CEP170: variants seen among roughly 807,000 people sequenced by gnomAD.
The protein encoded by CEP170 is centrosomal protein 170.
In CEP170, 21 loss-of-function variants were observed where a neutral mutation model predicts 151.9. The ratio of observed to expected loss-of-function variants is 0.14; its 90% confidence interval spans 0.10 to 0.20. CEP170 has a LOEUF of 0.20. Among genes scored for constraint, CEP170 ranks in the 10% least tolerant of loss-of-function variants. CEP170 has a pLI of 1.00. For synonymous variants in CEP170, 356 were observed against 648.8 expected (o/e 0.55, Z 6.86); for missense variants, 964 against 1,892.9 (o/e 0.51, Z 9.11).
At chr1:243,155,232 CAAGTGAATAG>C (rs2057442695) in intron 14 of CEP170, among the ~76,000 whole-genome samples, 1 of 152,030 alleles carries the variant, frequency 6.6e-6, no homozygotes, top group Non-Finnish European at 1.5e-5. Flanking sequence ...AAAGCGATGA[CAAGTGAATAG>C]TCTTTAAAAA....
intron 1 of CEP170, among the ~76,000 whole-genome samples, chr1:243,227,171 C>A (rs922393490): frequency 6.6e-6 from 1 of 152,014 alleles, no homozygotes; most frequent in African/African-American, 2.4e-5. Flanking sequence ...CCATAAAAGT[C>A]TTTTAAGTAC....
At chr1:243,170,817 G>A (rs1438256698) in intron 11 of CEP170, among the ~76,000 whole-genome samples, 1 of 152,148 alleles carries the variant, frequency 6.6e-6, no homozygotes, top group African/African-American at 2.4e-5. Flanking sequence ...AGTAAGTATA[G>A]AGAATGACAC....
At chr1:243,153,984 A>G (rs982663961) in intron 14 of CEP170, among the ~76,000 whole-genome samples, 1 of 152,270 alleles carries the variant, frequency 6.6e-6, no homozygotes, top group Non-Finnish European at 1.5e-5. Context: ...CTGAGGCAGG[A>G]GCTACCAAAG....
At chr1:243,224,566 A>G (rs758068480) in intron 2 of CEP170, among the ~76,000 whole-genome samples, 2 of 152,114 alleles carry the variant, frequency 1.3e-5, no homozygotes, top group African/African-American at 4.8e-5. Context: ...AACTTGTTTT[A>G]TAGTGTTTTC....
chr1:243,234,229 G>A (rs1572556648), intron 1 of CEP170, among the ~76,000 whole-genome samples: 1 of 152,034 alleles, frequency 6.6e-6, no homozygotes, highest in Non-Finnish European at 1.5e-5. Flanking sequence ...TAGGACTATC[G>A]TCTACACAGT....
chr1:243,202,319 G>A (rs1389748478), intron 4 of CEP170, among the ~76,000 whole-genome samples: 2 of 152,098 alleles, frequency 1.3e-5, no homozygotes, highest in African/African-American at 4.8e-5. Context: ...CCGGAAGGCG[G>A]GGTGAGGGAT....
At chr1:243,163,780 AG>A (rs1423686040) in intron 13 of CEP170, among the ~76,000 whole-genome samples, 1 of 152,206 alleles carries the variant, frequency 6.6e-6, no homozygotes, top group Non-Finnish European at 1.5e-5. Flanking sequence ...CAAAATGGGT[AG>A]GGAAAAAAAA....
intron 1 of CEP170, among the ~76,000 whole-genome samples, chr1:243,238,322 G>A (rs2064451570): frequency 6.6e-6 from 1 of 152,064 alleles, no homozygotes; most frequent in African/African-American, 2.4e-5. Flanking sequence ...TGCCAGGTGT[G>A]GTGACGTGCA....
intron 2 of CEP170, among the ~76,000 whole-genome samples, chr1:243,222,381 T>A (rs1304013985): frequency 6.6e-6 from 1 of 152,228 alleles, no homozygotes; most frequent in Non-Finnish European, 1.5e-5. Flanking sequence ...GGTATTTTAA[T>A]GGCAAACTGT....
intron 16 of CEP170, among the ~76,000 whole-genome samples, chr1:243,137,699 T>C (rs1023819012): frequency 3.3e-5 from 5 of 150,788 alleles, no homozygotes; most frequent in Non-Finnish European, 5.9e-5. Flanking sequence ...TGCTTGAACC[T>C]GGGAGGCAGA....
At chr1:243,197,173 A>G (rs540527259) in intron 7 of CEP170, among the ~76,000 whole-genome samples, 3 of 152,260 alleles carry the variant, frequency 2.0e-5, no homozygotes, top group South Asian at 4.1e-4. Context: ...ATCATGACTC[A>G]GGACGGCGGG....
chr1:243,160,748 C>T (rs1486684673), intron 13 of CEP170, among the ~76,000 whole-genome samples: 1 of 152,158 alleles, frequency 6.6e-6, no homozygotes, highest in Non-Finnish European at 1.5e-5. Context: ...GCTGACAATG[C>T]TCTGTTTTGT....
At chr1:243,180,199 T>G (rs546388448) in intron 10 of CEP170, among the ~76,000 whole-genome samples, 4 of 152,270 alleles carry the variant, frequency 2.6e-5, no homozygotes, top group African/African-American at 9.6e-5. Context: ...AAGAGCTTAT[T>G]AGATTGAGGG....
At position 243,221,842 on chromosome 1, in the gene CEP170, A is replaced by T. The variant is rs72757676; in HGVS notation, c.106-29T>A. 8.2e-4 allele frequency: 1,291 copies of T among 1,572,822 alleles called. 5 individuals are homozygous for T. Among genetic ancestry groups the T allele is most frequent in the Non-Finnish European group, 1.0e-3 (1,188 of 1,159,340 alleles). On this transcript the variant is annotated intron_variant, in intron 2 of 19. Transcript: ENST00000366542. ...AAAGGAATGTTGTCAGTTAATAAAT[A>T]TAAGAAAATACTAGAATAAATACCA... is the stretch of plus-strand genomic sequence containing the variant.
intron 4 of CEP170, among the ~76,000 whole-genome samples, chr1:243,205,407 G>C (rs12067429): frequency 0.3 from 46,339 of 152,024 alleles, 7,519 homozygotes; most frequent in South Asian, 0.48. Context: ...CAGGCCACGT[G>C]ATCTCTGCTT....
chr1:243,246,572 TTGTG>T (rs1340763984), intron 1 of CEP170, among the ~76,000 whole-genome samples: 3 of 152,132 alleles, frequency 2.0e-5, no homozygotes, highest in Admixed American at 6.6e-5. Context: ...TTTTCATAAA[TTGTG>T]TGTAAGTAGA....
intron 10 of CEP170, among the ~76,000 whole-genome samples, chr1:243,177,577 G>C (rs1311738274): frequency 6.6e-6 from 1 of 152,162 alleles, no homozygotes. Context: ...CAAATCAATA[G>C]TAGAGGTTCC....
In CEP170 at chr1:243,175,820, A is replaced by G. The variant is rs566285408; in HGVS notation, c.1567-2974T>C. Among the ~76,000 whole-genome samples, 40 of 152,066 alleles carry G rather than the reference A, an allele frequency of 2.6e-4. No individual in the cohort carries two copies. In the South Asian group the frequency reaches 6.2e-3, roughly 24 times the overall value. ...TTTCTTTTTTGTTTTTTTTTGAGAC[A>G]GAGTCTCGCTTTGTCGCCCAGGCCG... On this transcript the variant is annotated intron_variant, in intron 10 of 19. Transcript: ENST00000366542.
chr1:243,240,994 G>A (rs1342350707), intron 1 of CEP170, among the ~76,000 whole-genome samples: 1 of 152,080 alleles, frequency 6.6e-6, no homozygotes, highest in Non-Finnish European at 1.5e-5. Context: ...TGCCCAGCCA[G>A]AAGCACGAAT....
Sources: allele counts gnomAD v4.1 joint callset (sites outside exome capture counted in the v4.1 genomes callset), GRCh38; gene constraint gnomAD v4.1.1; transcripts MANE v1.5; gene names NCBI Gene and HGNC (gene_info 2026-07-23, HGNC 2026-07-21).